Variants in LYPLAL1 observed in about 807,000 individuals in gnomAD.
LYPLAL1 encodes the protein lysophospholipase-like protein 1.
In LYPLAL1, 23 loss-of-function variants were observed where a neutral mutation model predicts 19.7. The ratio of observed to expected loss-of-function variants is 1.17; its 90% CI spans 0.84 to 1.65. The LOEUF is 1.65. LYPLAL1 is among the 40% of genes most tolerant of loss of function. The pLI is 0.00. For synonymous variants in LYPLAL1, 119 were observed against 96.3 expected (o/e 1.24, Z -1.38); for missense variants, 355 against 279.4 (o/e 1.27, Z -1.93).
At chr1:219,382,525 A>G in the LYPLAL1 span, among the ~76,000 whole-genome samples, 4 of 152,152 alleles carry the variant, frequency 2.6e-5, no homozygotes, top group African/African-American at 9.6e-5. Context: ...GCGCCCGGCT[A>G]ACCTTTTTTT....
the LYPLAL1 span, among the ~76,000 whole-genome samples, chr1:219,301,728 C>A: frequency 6.6e-6 from 1 of 151,656 alleles, no homozygotes; most frequent in East Asian, 1.9e-4. Context: ...AATTTTACAA[C>A]TCTGAAAAGC....
chr1:219,240,637 C>T, the LYPLAL1 span, among the ~76,000 whole-genome samples: 1 of 152,100 alleles, frequency 6.6e-6, no homozygotes, highest in Non-Finnish European at 1.5e-5. Flanking sequence ...CCAAATTCCC[C>T]AAAATGAATA....
chr1:219,291,249 A>G, the LYPLAL1 span, among the ~76,000 whole-genome samples: 2 of 152,236 alleles, frequency 1.3e-5, no homozygotes, highest in African/African-American at 4.8e-5. Flanking sequence ...AATATGTTAC[A>G]TAATGCAAGA....
chr1:219,309,018 A>C, the LYPLAL1 span, among the ~76,000 whole-genome samples: 1 of 152,164 alleles, frequency 6.6e-6, no homozygotes, highest in Admixed American at 6.5e-5. Flanking sequence ...ACACGCTGCA[A>C]AGCCACAGGG....
the LYPLAL1 span, among the ~76,000 whole-genome samples, chr1:219,217,950 A>C: frequency 2.0e-5 from 3 of 152,044 alleles, no homozygotes; most frequent in Non-Finnish European, 4.4e-5. Context: ...GAGGAGAGAG[A>C]CACATTAGGA....
chr1:219,381,328 C>T, the LYPLAL1 span, among the ~76,000 whole-genome samples: 1 of 152,166 alleles, frequency 6.6e-6, no homozygotes, highest in Non-Finnish European at 1.5e-5. Context: ...AACTGTGAGT[C>T]CATTCAACCT....
chr1:219,348,004 C>T, the LYPLAL1 span, among the ~76,000 whole-genome samples: 1 of 152,168 alleles, frequency 6.6e-6, no homozygotes, highest in Non-Finnish European at 1.5e-5. Flanking sequence ...GATTATTGCT[C>T]ATCTGAGGGC....
At chr1:219,179,354 C>G (rs1231363602) in intron 2 of LYPLAL1, 108 bp downstream of exon 2, 1 of 806,852 alleles carries the variant, frequency 1.2e-6, no homozygotes, top group African/African-American at 1.8e-5. Context: ...ATTTAACATA[C>G]TTTAAATTAG....
chr1:219,435,661 C>A, the LYPLAL1 span, among the ~76,000 whole-genome samples: 1 of 151,886 alleles, frequency 6.6e-6, no homozygotes, highest in South Asian at 2.1e-4. Context: ...CCCGTCTGTA[C>A]TAAAAATACA....
At chr1:219,216,586 C>A (rs1355515061), downstream of LYPLAL1, among the ~76,000 whole-genome samples, 8 of 152,074 alleles carry the variant, frequency 5.3e-5, no homozygotes, top group Non-Finnish European at 8.8e-5. Context: ...AACTTCTCAT[C>A]CTCATGTGAG....
At chr1:219,423,214 TAC>T in the LYPLAL1 span, among the ~76,000 whole-genome samples, 2 of 152,158 alleles carry the variant, frequency 1.3e-5, no homozygotes, top group African/African-American at 4.8e-5. Context: ...TTCTTCTTCA[TAC>T]AGTGTTCTTG....
At chr1:219,428,721 C>T in the LYPLAL1 span, among the ~76,000 whole-genome samples, 13 of 152,210 alleles carry the variant, frequency 8.5e-5, no homozygotes, top group African/African-American at 2.7e-4. Context: ...TCATCATCCC[C>T]CTTCCACACA....
the LYPLAL1 span, among the ~76,000 whole-genome samples, chr1:219,221,514 T>G: frequency 6.6e-6 from 1 of 152,146 alleles, no homozygotes; most frequent in Admixed American, 6.5e-5. Flanking sequence ...AAATATCAAG[T>G]CAAAGAGTTA....
chr1:219,384,917 A>T, the LYPLAL1 span, among the ~76,000 whole-genome samples: 1 of 152,216 alleles, frequency 6.6e-6, no homozygotes, highest in Non-Finnish European at 1.5e-5. Context: ...ATGAGGAAAG[A>T]GACTGCGTAG....
chr1:219,344,838 A>G, the LYPLAL1 span, among the ~76,000 whole-genome samples: 2 of 152,154 alleles, frequency 1.3e-5, no homozygotes, highest in Non-Finnish European at 2.9e-5. Flanking sequence ...AAAATATTTC[A>G]TTTCTTTCCA....
chr1:219,361,278 G>A, the LYPLAL1 span, among the ~76,000 whole-genome samples: 2 of 152,232 alleles, frequency 1.3e-5, no homozygotes, highest in Admixed American at 6.5e-5. Context: ...GATTTGAGCA[G>A]AGGTGGGGAA....
chr1:219,440,024 C>CACACAT, the LYPLAL1 span, among the ~76,000 whole-genome samples: 1 of 132,388 alleles, frequency 7.6e-6, no homozygotes, highest in Non-Finnish European at 1.6e-5. Flanking sequence ...CACACACACA[C>CACACAT]ATATATATAT....
the LYPLAL1 span, among the ~76,000 whole-genome samples, chr1:219,347,737 A>G: frequency 2.6e-5 from 4 of 152,192 alleles, no homozygotes; most frequent in African/African-American, 9.7e-5. Context: ...CATCCCTGTC[A>G]AGAAATAATG....
chr1:219,268,907 C>A, the LYPLAL1 span, among the ~76,000 whole-genome samples: 1 of 152,166 alleles, frequency 6.6e-6, no homozygotes, highest in East Asian at 1.9e-4. Context: ...TGCTCATGGG[C>A]CTTAGTAGCA....
Sources: gnomAD v4.1 joint callset for allele counts (sites outside exome capture counted in the v4.1 genomes callset) on GRCh38, gnomAD v4.1.1 for gene constraint, MANE v1.5 for transcripts, NCBI Gene and HGNC (gene_info 2026-07-23, HGNC 2026-07-21) for gene names.